The following SPAG1 variants were observed in gnomAD, a reference collection of about 807,000 sequenced individuals.
SPAG1 encodes sperm associated antigen 1, also known as sperm-associated antigen 1.
In SPAG1, 69 loss-of-function variants were observed where a neutral mutation model predicts 100.5. That is an observed-to-expected ratio of 0.69 (90% CI 0.57 to 0.84). The LOEUF is 0.84. Among genes scored for constraint, SPAG1 ranks in the 40% least tolerant of loss-of-function variants. The pLI is 0.00. For missense variants in SPAG1, 955 were observed against 1,133.1 expected (o/e 0.84, Z 2.26); for synonymous variants, 336 against 411.6 (o/e 0.82, Z 2.22).
chr8:100,239,420 T>G lies in SPAG1; in HGVS notation c.2280+16T>G. 6.5e-7 allele frequency: 1 copy of G among 1,530,210 alleles called. No individual in the cohort carries two copies. Among genetic ancestry groups the G allele is most frequent in the Non-Finnish European group, 9.1e-7 (1 of 1,104,684 alleles). The allele number at this position is 1,530,210 out of a possible 1,614,324, so 94.8% of individuals were successfully genotyped here. A position where few individuals can be genotyped will look rare whatever the true frequency, so the allele number is the denominator to read the frequency against. On this transcript the variant is annotated intron_variant, in intron 17 of 18. Coordinates refer to ENST00000388798, the MANE Select transcript of SPAG1 (RefSeq NM_003114.5). The surrounding 1 kb of genome is among the most constrained non-coding windows in gnomAD (Gnocchi z 5.0). Reference sequence around the variant, plus strand: ...GATTCAAGAGGTATTTGTATTTGATTATCTTTGAAAGTACTCCTTTGGGGA... The same window carrying G: ...GATTCAAGAGGTATTTGTATTTGATGATCTTTGAAAGTACTCCTTTGGGGA...
At chr8:100,194,079 A>C (rs964608478) in intron 9 of SPAG1, 33 bp from the exon 10 acceptor site, 20 of 1,288,920 alleles carry the variant, frequency 1.6e-5, no homozygotes, top group Non-Finnish European at 2.1e-5. Context: ...ATTAGAGGAA[A>C]ATATTTTCTT....
At chr8:100,192,672 G>C (rs538016914) in intron 9 of SPAG1, among the ~76,000 whole-genome samples, 1 of 152,272 alleles carries the variant, frequency 6.6e-6, no homozygotes, top group South Asian at 2.1e-4. Context: ...GCTTTGTCAA[G>C]TCAACATTTT....
chr8:100,199,981 G>C (rs2132307273), intron 10 of SPAG1, among the ~76,000 whole-genome samples: 1 of 151,746 alleles, frequency 6.6e-6, no homozygotes, highest in African/African-American at 2.4e-5. Flanking sequence ...AAGTTCTAGG[G>C]TATATGTGCA....
chr8:100,208,307 T>C (rs998244197), intron 10 of SPAG1, among the ~76,000 whole-genome samples: 6 of 152,192 alleles, frequency 3.9e-5, no homozygotes, highest in African/African-American at 1.2e-4. Flanking sequence ...AAAATCAGTC[T>C]ACTCCACAAT....
intron 12 of SPAG1, among the ~76,000 whole-genome samples, chr8:100,217,619 T>C (rs1434665732): frequency 6.6e-6 from 1 of 152,188 alleles, no homozygotes; most frequent in African/African-American, 2.4e-5. Flanking sequence ...AAAATACTCA[T>C]AATTGTTTAT....
At chr8:100,227,330 C>A (rs1285026906) in intron 14 of SPAG1, among the ~76,000 whole-genome samples, 1 of 152,128 alleles carries the variant, frequency 6.6e-6, no homozygotes, top group East Asian at 1.9e-4. Flanking sequence ...CAGCTGAGGC[C>A]CCATTTCTCC....
rs776633794 is a variant in SPAG1 at position 100,213,793 on chromosome 8, T to C, written c.1436-26T>C. ...TGTGATCTTGCTAATGGATTTTAAC[T>C]GTATTTAATTAAATGTGATTTTTAG... On this transcript the variant is annotated intron_variant, in intron 11 of 18. Coordinates refer to ENST00000388798, the MANE Select transcript of SPAG1 (RefSeq NM_003114.5). The C allele has an allele frequency of 5.1e-6, 7 of 1,364,442 alleles. No individual in the cohort carries two copies. In the African/African-American group the frequency reaches 8.7e-5, roughly 17 times the overall value. The allele number at this position is 1,364,442 out of a possible 1,614,324, so 84.5% of individuals were successfully genotyped here. A position where few individuals can be genotyped will look rare whatever the true frequency, so the allele number is the denominator to read the frequency against.
chr8:100,187,042 T>G, intron 7 of SPAG1, 78 bp from the exon 8 acceptor site: 12 of 1,428,502 alleles, frequency 8.4e-6, no homozygotes, highest in Non-Finnish European at 1.0e-5. Context: ...TTGTTTTATG[T>G]ATAACTGAAG....
At chr8:100,227,339 C>T (rs1446077863) in intron 14 of SPAG1, among the ~76,000 whole-genome samples, 1 of 152,210 alleles carries the variant, frequency 6.6e-6, no homozygotes, top group Non-Finnish European at 1.5e-5. Flanking sequence ...CCCCATTTCT[C>T]CCACAAAGCT....
chr8:100,232,923 T>C (rs1016044227), intron 15 of SPAG1, among the ~76,000 whole-genome samples: 2 of 152,238 alleles, frequency 1.3e-5, no homozygotes, highest in Non-Finnish European at 2.9e-5. Flanking sequence ...TCTCTTCCAC[T>C]GTAGGTGCAG....
At chr8:100,213,533 G>A in intron 11 of SPAG1, 105 bp downstream of exon 11, 1 of 916,666 alleles carries the variant, frequency 1.1e-6, no homozygotes, top group Non-Finnish European at 1.5e-6. Context: ...AATGACAGGC[G>A]CCGGCATCGC....
At chr8:100,199,917 G>GTT in intron 10 of SPAG1, among the ~76,000 whole-genome samples, 1 of 136,104 alleles carries the variant, frequency 7.3e-6, no homozygotes, top group East Asian at 2.1e-4. Context: ...GAAGTTTTTT[G>GTT]TTTTTTTTTT....
At chr8:100,165,509 A>C in intron 2 of SPAG1, 1 of 366,014 alleles carries the variant, frequency 2.7e-6, no homozygotes, top group Non-Finnish European at 5.1e-6. Flanking sequence ...AACCCACGCC[A>C]ACTCCGCGGA....
rs1491270657 is a variant in SPAG1 at position 100,193,946 on chromosome 8, T to TG, written c.940-166_940-165insG. ...TTACACCGCTTTTTGTGTGTGTGTG[T>TG]TTTTTTTTTACAGTGGACATCTATG... On this transcript the variant is annotated intron_variant, in intron 9 of 18. Transcript: ENST00000388798. Among the ~76,000 whole-genome samples, 51 of 150,494 alleles carry TG rather than the reference T, an allele frequency of 3.4e-4. No homozygotes were observed. The Middle Eastern group carries it at 0.034, about 102-fold the overall frequency.
intron 10 of SPAG1, among the ~76,000 whole-genome samples, chr8:100,200,831 T>A (rs554190996): frequency 6.6e-6 from 1 of 152,356 alleles, no homozygotes; most frequent in South Asian, 2.1e-4. Flanking sequence ...GAGTTCTTTG[T>A]AGATTCTGGA....
chr8:100,190,867 G>A (rs1816788273), intron 8 of SPAG1, among the ~76,000 whole-genome samples: 2 of 151,286 alleles, frequency 1.3e-5, no homozygotes, highest in Non-Finnish European at 2.9e-5. Flanking sequence ...ATGGGATTTT[G>A]CCATGTTGGC....
intron 3 of SPAG1, among the ~76,000 whole-genome samples, chr8:100,171,496 A>G (rs971563729): frequency 6.6e-6 from 1 of 152,152 alleles, no homozygotes; most frequent in Non-Finnish European, 1.5e-5. Context: ...AAAGATTTTA[A>G]CTGTGAATTC....
At chr8:100,162,186 A>C in intron 1 of SPAG1, 93 bp from the exon 2 acceptor site, 1 of 1,122,202 alleles carries the variant, frequency 8.9e-7, no homozygotes, top group South Asian at 1.5e-5. Context: ...TAAAAATTCA[A>C]AAAAATACAA....
At chr8:100,208,661 A>G (rs1817603554) in intron 10 of SPAG1, among the ~76,000 whole-genome samples, 2 of 152,188 alleles carry the variant, frequency 1.3e-5, no homozygotes, top group African/African-American at 4.8e-5. Context: ...GCATGTATAC[A>G]TTTGTACTAA....
Sources: allele counts gnomAD v4.1 joint callset (sites outside exome capture counted in the v4.1 genomes callset), GRCh38; gene constraint gnomAD v4.1.1; non-coding constraint Gnocchi (gnomAD v3.1); transcripts MANE v1.5; gene names NCBI Gene and HGNC (gene_info 2026-07-23, HGNC 2026-07-21).